Variants in CFL2 observed in about 807,000 individuals in gnomAD.
CFL2 encodes cofilin 2.
A neutral mutation model predicts 19.6 loss-of-function variants in CFL2; 10 were observed. The observed-to-expected ratio is 0.51, with a 90% CI of 0.31 to 0.86. CFL2 has a LOEUF of 0.86. Ranked by LOEUF, CFL2 falls within the 40% of genes least tolerant of loss-of-function variation. The pLI is 0.04. For synonymous variants in CFL2, 63 were observed against 66.7 expected (o/e 0.95, Z 0.27); for missense variants, 125 against 192.1 (o/e 0.65, Z 2.06).
rs753192192 is a variant in CFL2 at position 34,713,277 on chromosome 14, T to C, written c.288A>G (p.Lys96=). The change falls in exon 2 of 4, where the codon AAA becomes AAG. Residue 96 remains lysine, a synonymous_variant. Transcript: ENST00000298159. Reference sequence around the variant, plus strand: ...ACCAGAATATAAATACTAGGTCTTCTTTCTTAGACTCTTTTGTTTCGTATG... The same window carrying C: ...ACCAGAATATAAATACTAGGTCTTCCTTCTTAGACTCTTTTGTTTCGTATG... ...DATYETKESK[K]EDLVFIFWAP... The C allele has an allele frequency of 1.2e-6, 2 of 1,612,582 alleles. No homozygotes were observed. Among genetic ancestry groups the C allele is most frequent in the African/African-American group, 1.3e-5 (1 of 74,786 alleles).
chr14:34,714,376 G>C, intron 1 of CFL2, 162 bp downstream of exon 1: 2 of 1,208,274 alleles, frequency 1.7e-6, no homozygotes, highest in Non-Finnish European at 2.2e-6. Context: ...AGGGCCTGAC[G>C]GCCGGAGGGC....
Position 34,710,105 on chromosome 14 carries a change from T to G in CFL2, c.*2760A>C, listed in dbSNP as rs923468277. 6.5e-6 allele frequency: 1 copy of G among 154,068 alleles called. No homozygotes were observed. The highest frequency in any genetic ancestry group is 1.4e-5 in the Non-Finnish European group (1 of 69,344). 9.5% of individuals were successfully genotyped at this position (154,068 alleles called of 1,614,324 possible). ...AATTAGCTGCTACAAATGTTCTGTA[T>G]CAGAGAAACTCAAACCCAGTAAGAG... On this transcript the variant is annotated 3_prime_UTR_variant, in exon 4 of 4. Coordinates refer to ENST00000298159, the MANE Select transcript of CFL2 (RefSeq NM_138638.5).
chr14:34,710,765 T>C lies in CFL2; in HGVS notation c.*2100A>G. 2.2e-6 allele frequency: 1 copy of C among 450,982 alleles called. No homozygotes were observed. The highest frequency in any genetic ancestry group is 4.4e-6 in the Non-Finnish European group (1 of 225,864). The allele number at this position is 450,982 out of a possible 1,614,324, so 27.9% of individuals were successfully genotyped here. A position where few individuals can be genotyped will look rare whatever the true frequency, so the allele number is the denominator to read the frequency against. On this transcript the variant is annotated 3_prime_UTR_variant, in exon 4 of 4. Transcript: ENST00000298159. ...TCACAGTTTAAAGCAATATTTAATC[T>C]CTGAAATTACTAGAGGCATACAAGA... is the stretch of plus-strand genomic sequence containing the variant.
intron 1 of CFL2, chr14:34,713,765 T>C (rs1885401706): frequency 6.2e-7 from 1 of 1,611,726 alleles, no homozygotes; most frequent in Non-Finnish European, 8.5e-7. Flanking sequence ...TTCATCCTTC[T>C]TAAAGGGGTT....
At position 34,714,563 on chromosome 14, in the gene CFL2, G is replaced by A; in HGVS notation, c.-23C>T. On this transcript the variant is annotated 5_prime_UTR_variant, in exon 1 of 4. Coordinates refer to ENST00000298159, the MANE Select transcript of CFL2 (RefSeq NM_138638.5). ...CATAGTGCCCTCGGCTGTGGCTGCGGCGGCAGCTCGGGCTTCGGCTCTGTG... is the reference window on the plus strand; with the variant it reads ...CATAGTGCCCTCGGCTGTGGCTGCGACGGCAGCTCGGGCTTCGGCTCTGTG... 6.3e-7 allele frequency: 1 copy of A among 1,578,030 alleles called. No individual in the cohort carries two copies. The highest frequency in any genetic ancestry group is 8.6e-7 in the Non-Finnish European group (1 of 1,164,804).
At chr14:34,714,337 G>C (rs2138476966) in intron 1 of CFL2, 212 of 704,944 alleles carry the variant, frequency 3.0e-4, no homozygotes, top group Middle Eastern at 1.1e-3. Context: ...GGCCCTCCCC[G>C]CCCCCCAAAA....
chr14:34,714,285 C>G, intron 1 of CFL2: 1 of 501,662 alleles, frequency 2.0e-6, no homozygotes, highest in Non-Finnish European at 3.3e-6. Context: ...CTCTCGCGCC[C>G]CCGCCCGCCC....
rs780426319 is a variant in CFL2, at chr14:34,714,569, G to C, written c.-29C>G. 2.5e-6 allele frequency: 4 copies of C among 1,570,402 alleles called. No homozygotes were observed. Among genetic ancestry groups the C allele is most frequent in the Non-Finnish European group, 3.5e-6 (4 of 1,159,036 alleles). On this transcript the variant is annotated 5_prime_UTR_variant, in exon 1 of 4. Coordinates refer to ENST00000298159, the MANE Select transcript of CFL2 (RefSeq NM_138638.5). ...GCCCTCGGCTGTGGCTGCGGCGGCA[G>C]CTCGGGCTTCGGCTCTGTGGCACTG...
chr14:34,713,495 A>C lies in CFL2; in HGVS notation c.70T>G (p.Ser24Ala), dbSNP rs1221682329. Residue 24 changes from serine (S) to alanine (A), a missense_variant, in exon 2 of 4, where the codon TCT becomes GCT. Coordinates refer to ENST00000298159, the MANE Select transcript of CFL2 (RefSeq NM_138638.5). ...CTCTTTTTGATCTCCTCTTGTGTAGAAGATTTCCTTACTTTCATATCATTA... is the reference window on the plus strand; with the variant it reads ...CTCTTTTTGATCTCCTCTTGTGTAGCAGATTTCCTTACTTTCATATCATTA... ...VFNDMKVRKSSTQEEIKKRKK... is the reference protein window; with the variant it reads ...VFNDMKVRKSATQEEIKKRKK... 6.2e-7 allele frequency: 1 copy of C among 1,613,922 alleles called. No homozygotes were observed. The highest frequency in any genetic ancestry group is 8.5e-7 in the Non-Finnish European group (1 of 1,179,840).
Position 34,712,969 on chromosome 14 carries a change from G to A in CFL2, c.397C>T (p.His133Tyr), listed in dbSNP as rs747406746. 12 of 1,600,264 alleles carry A rather than the reference G, an allele frequency of 7.5e-6. No individual in the cohort carries two copies. In the South Asian group the frequency reaches 1.1e-4, roughly 15 times the overall value. ...AIKKKFTGIK[H>Y]EWQVNGLDDI... ...TCCAAGCCATTTACTTGCCACTCAT[G>A]TTTAATACCTAAAAAGAAAAAACAT... Residue 133 changes from histidine (H) to tyrosine (Y), a missense_variant, in exon 4 of 4, where the codon CAT becomes TAT. His to Tyr is a moderately conservative substitution (Grantham distance 83, BLOSUM62 2). Transcript: ENST00000298159.
chr14:34,709,155 A>G lies in CFL2; in HGVS notation c.*3710T>C, dbSNP rs1885205200. The G allele has an allele frequency of 6.6e-6, 1 of 152,088 alleles. No homozygotes were observed. The highest frequency in any genetic ancestry group is 6.6e-5 in the Admixed American group (1 of 15,250). 9.4% of individuals were successfully genotyped at this position (152,088 alleles called of 1,614,324 possible). A position where few individuals can be genotyped will look rare whatever the true frequency, so the allele number is the denominator to read the frequency against. Reference sequence around the variant, plus strand: ...ACATTTAATATTTATCTACTTACATACAGTAATTAAGAATGAATAGTTTAA... The same window carrying G: ...ACATTTAATATTTATCTACTTACATGCAGTAATTAAGAATGAATAGTTTAA... On this transcript the variant is annotated 3_prime_UTR_variant, in exon 4 of 4. Transcript: ENST00000298159.
At position 34,714,530 on chromosome 14, in the gene CFL2, C is replaced by A. The variant is rs762406006; in HGVS notation, c.3+8G>T. On this transcript the variant is annotated splice_region_variant and intron_variant, in intron 1 of 3. Transcript: ENST00000298159. ...GCCGCGGCCTCCCGGCCAGCGCGCTCGTCTTACCATAGTGCCCTCGGCTGT... is the reference window on the plus strand; with the variant it reads ...GCCGCGGCCTCCCGGCCAGCGCGCTAGTCTTACCATAGTGCCCTCGGCTGT... The A allele has an allele frequency of 3.2e-6, 5 of 1,585,520 alleles. No homozygotes were observed. In the African/African-American group the frequency reaches 6.9e-5, roughly 22 times the overall value.
At position 34,710,594 on chromosome 14, in the gene CFL2, A is replaced by G; in HGVS notation, c.*2271T>C. The G allele has an allele frequency of 2.3e-6, 1 of 433,634 alleles. No homozygotes were observed. The highest frequency in any genetic ancestry group is 4.6e-6 in the Non-Finnish European group (1 of 218,592). The allele number at this position is 433,634 out of a possible 1,614,324, so 26.9% of individuals were successfully genotyped here. A position where few individuals can be genotyped will look rare whatever the true frequency, so the allele number is the denominator to read the frequency against. On this transcript the variant is annotated 3_prime_UTR_variant, in exon 4 of 4. Coordinates refer to ENST00000298159, the MANE Select transcript of CFL2 (RefSeq NM_138638.5). ...TTATAAATGATTGTAAAATAAAATG[A>G]TCATTTCAAATGCCAAATTAATCTC...
At chr14:34,714,303 A>G (rs866478865) in intron 1 of CFL2, 56 of 505,700 alleles carry the variant, frequency 1.1e-4, no homozygotes, top group Middle Eastern at 1.1e-3. Flanking sequence ...CCCGGCCCCG[A>G]CCCCCAACCT....
chr14:34,714,392 G>T, intron 1 of CFL2, 146 bp downstream of exon 1: 1 of 1,309,082 alleles, frequency 7.6e-7, no homozygotes, highest in Non-Finnish European at 1.0e-6. Context: ...AGGGCAGGCC[G>T]GTCGGCTGGA....
Position 34,712,062 on chromosome 14 carries a change from G to C in CFL2, c.*803C>G, listed in dbSNP as rs1218290446. 2.2e-6 allele frequency: 1 copy of C among 454,492 alleles called. No individual in the cohort carries two copies. Among genetic ancestry groups the C allele is most frequent in the Non-Finnish European group, 4.4e-6 (1 of 226,776 alleles). 28.2% of individuals were successfully genotyped at this position (454,492 alleles called of 1,614,324 possible). On this transcript the variant is annotated 3_prime_UTR_variant, in exon 4 of 4. Coordinates refer to ENST00000298159, the MANE Select transcript of CFL2 (RefSeq NM_138638.5). ...ACGTGGCCATTTTTGTGAGGGTGGG[G>C]AGTTTGATCTCAAAACAATGTTCCA...
intron 1 of CFL2, 43 bp downstream of exon 1, chr14:34,714,495 T>C: frequency 6.4e-7 from 1 of 1,557,000 alleles, no homozygotes; most frequent in Non-Finnish European, 8.7e-7. Flanking sequence ...CGGGGGGCTT[T>C]TCTCGCCTCG....
chr14:34,712,363 T>G lies in CFL2; in HGVS notation c.*502A>C. 2.2e-6 allele frequency: 1 copy of G among 454,642 alleles called. No homozygotes were observed. The highest frequency in any genetic ancestry group is 1.6e-5 in the South Asian group (1 of 64,480). The allele number at this position is 454,642 out of a possible 1,614,324, so 28.2% of individuals were successfully genotyped here. On this transcript the variant is annotated 3_prime_UTR_variant, in exon 4 of 4. Transcript: ENST00000298159. ...TTAAACTTATTACAAAAAGTGCTTT[T>G]AATGCATAGTGTTATATCCGTGCTG...
chr14:34,711,061 A>G lies in CFL2; in HGVS notation c.*1804T>C. The G allele has an allele frequency of 2.2e-6, 1 of 454,168 alleles. No homozygotes were observed. The highest frequency in any genetic ancestry group is 4.4e-6 in the Non-Finnish European group (1 of 226,796). The allele number at this position is 454,168 out of a possible 1,614,324, so 28.1% of individuals were successfully genotyped here. A position where few individuals can be genotyped will look rare whatever the true frequency, so the allele number is the denominator to read the frequency against. On this transcript the variant is annotated 3_prime_UTR_variant, in exon 4 of 4. Transcript: ENST00000298159. Reference sequence around the variant, plus strand: ...TGCAAAAAGATCCCAAACCATTCATATAATTTTAAATGGAAGCCTAGACAT... The same window carrying G: ...TGCAAAAAGATCCCAAACCATTCATGTAATTTTAAATGGAAGCCTAGACAT...
Sources: allele counts gnomAD v4.1 joint callset, GRCh38; gene constraint gnomAD v4.1.1; transcripts MANE v1.5; gene names NCBI Gene and HGNC (gene_info 2026-07-23, HGNC 2026-07-21).